The following VPS53 variants were observed in gnomAD, a reference collection of about 807,000 sequenced individuals.
VPS53 encodes the protein VPS53 subunit of GARP complex, also known as vacuolar protein sorting-associated protein 53 homolog.
Under a neutral mutation model 107.0 loss-of-function variants are expected in VPS53, and 70 were observed. The observed-to-expected ratio is 0.65, with a 90% confidence interval of 0.54 to 0.80. The LOEUF (loss-of-function observed/expected upper bound fraction) is 0.80. Ranked by LOEUF, VPS53 falls within the 30% of genes least tolerant of loss-of-function variation. VPS53 has a pLI of 0.00. For missense variants in VPS53, 917 were observed against 1,049.4 expected, an observed-to-expected ratio of 0.87 and a Z score of 1.74; for synonymous variants, 409 against 393.3, an observed-to-expected ratio of 1.04 and a Z score of -0.47.
intron 4 of VPS53, among the ~76,000 whole-genome samples, chr17:662,837 G>GA (rs1491263299): frequency 7.0e-4 from 19 of 27,206 alleles, no homozygotes; most frequent in East Asian, 1.7e-3. Flanking sequence ...GAGAAAGAAA[G>GA]GAAGGAAGGA....
In VPS53 at chr17:628,950, C is replaced by T. The variant is rs147148063; in HGVS notation, c.688-719G>A. The stretch of plus-strand genomic sequence containing the variant: ...TTTTGCTGAGACTTTCTTTACAGTA[C>T]GTCACTGAGTGAACATGACTGGCTA... On this transcript the variant is annotated intron_variant, in intron 8 of 21. Transcript: ENST00000437048. 5.8e-3 allele frequency among the ~76,000 whole-genome samples: 887 copies of T among 152,258 alleles called. 19 individuals carry two copies. Among genetic ancestry groups the T allele is most frequent in the Non-Finnish European group, 3.2e-3 (216 of 68,018 alleles).
chr17:662,821 G>GAAAAAA (rs1567719949), intron 4 of VPS53, among the ~76,000 whole-genome samples: 4 of 101,552 alleles, frequency 3.9e-5, no homozygotes, highest in Middle Eastern at 5.3e-3. Flanking sequence ...AAGAAAGAAA[G>GAAAAAA]AGAAAGAGAA....
At chr17:661,307 G>A (rs1971425136) in intron 5 of VPS53, among the ~76,000 whole-genome samples, 1 of 151,836 alleles carries the variant, frequency 6.6e-6, no homozygotes, top group African/African-American at 2.4e-5. Context: ...GGATCATGAG[G>A]TCAAGAGATT....
chr17:532,874 A>G lies in VPS53; in HGVS notation c.2053T>C (p.Cys685Arg). 6.2e-7 allele frequency: 1 copy of G among 1,614,112 alleles called. No individual in the cohort carries two copies. The highest frequency in any genetic ancestry group is 8.5e-7 in the Non-Finnish European group (1 of 1,179,982). The stretch of plus-strand genomic sequence containing the variant: ...GCTCCCACCATGCTAATTGGCTTGC[A>G]CTTGAAGAGGTGGGTGATGAATTTG... ...IPKFITHLFK[C>R]KPISMVGAEQ... The change falls in exon 19 of 22, where the codon TGC (cysteine) becomes CGC (arginine). Residue 685 changes from cysteine to arginine, a missense_variant. Transcript: ENST00000437048.
intron 4 of VPS53, among the ~76,000 whole-genome samples, chr17:687,556 G>A (rs1205657185): frequency 6.7e-6 from 1 of 150,200 alleles, no homozygotes; most frequent in Non-Finnish European, 1.5e-5. Context: ...AGCCTGGAGA[G>A]AGAGCAAGAC....
In VPS53 at chr17:519,215, G is replaced by A. The variant is rs768263237; in HGVS notation, c.2412C>T (p.Ser804=). Residue 804 remains serine, a synonymous_variant, in exon 22 of 22, where the codon TCC becomes TCT. Transcript: ENST00000437048. This position sits in a 1 kb window ranked among gnomAD's most constrained non-coding sequence, Gnocchi z 5.0. ...TTGGCGCCGTCAGGGACAGTGAGCCGGAGCTTTCTGCCCCCGAGGGCGGTG... is the reference window on the plus strand; with the variant it reads ...TTGGCGCCGTCAGGGACAGTGAGCCAGAGCTTTCTGCCCCCGAGGGCGGTG... The part of the protein sequence containing the change: ...LPAPPSGAES[S]GSLSLTAPTP... 187 of 1,549,514 alleles carry A rather than the reference G, an allele frequency of 1.2e-4. No homozygotes were observed. The highest frequency in any genetic ancestry group is 1.7e-4 in the Middle Eastern group (1 of 6,000).
At chr17:563,278 CTTCAT>C (rs1458087890) in intron 13 of VPS53, among the ~76,000 whole-genome samples, 2 of 145,920 alleles carry the variant, frequency 1.4e-5, no homozygotes, top group African/African-American at 2.5e-5. Flanking sequence ...TCTCACTGAA[CTTCAT>C]TTCCTTTTTT....
chr17:551,941 G>A lies in VPS53; in HGVS notation c.1797C>T (p.Ser599=), dbSNP rs1387241315. ...GEMDTFSTVI[S]SSIQLLVQDL... ...CCTGAACCAGCAGCTGAATACTGCT[G>A]GAGATGACGCTGCAAATCAAACAAA... The change falls in exon 17 of 22, where the codon TCC becomes TCT. Residue 599 remains serine, a synonymous_variant. Coordinates refer to ENST00000437048, the MANE Select transcript of VPS53 (RefSeq NM_001128159.3). The A allele has an allele frequency of 1.3e-6, 2 of 1,596,598 alleles. No homozygotes were observed. The highest frequency in any genetic ancestry group is 1.3e-5 in the African/African-American group (1 of 74,794).
intron 12 of VPS53, among the ~76,000 whole-genome samples, chr17:595,395 C>G (rs1211293895): frequency 1.2e-4 from 6 of 48,850 alleles, no homozygotes; most frequent in Non-Finnish European, 1.8e-4. Context: ...TCTAGTGTCC[C>G]CCCTGGAGGA....
chr17:707,143 C>T (rs1973437297), intron 2 of VPS53, among the ~76,000 whole-genome samples: 1 of 67,180 alleles, frequency 1.5e-5, no homozygotes, highest in African/African-American at 5.9e-5. Flanking sequence ...ATAGCAAATA[C>T]TACTGAAGCC....
rs397967122 is a variant in VPS53 at position 652,005 on chromosome 17, A to ATT, written c.608+1284_608+1285dup. 2.0e-3 allele frequency among the ~76,000 whole-genome samples: 279 copies of ATT among 142,268 alleles called. 3 individuals carry two copies. The highest frequency in any genetic ancestry group is 8.0e-3 in the South Asian group (36 of 4,478). 93.3% of individuals were successfully genotyped at this position (142,268 alleles called of 152,430 possible). A position where few individuals can be genotyped will look rare whatever the true frequency, so the allele number is the denominator to read the frequency against. ...ATCTAAAGTTTTTGTGGTTCACTGT[A>ATT]TTTTTTTTTTTTTTTGAGTCTCACC... On this transcript the variant is annotated intron_variant, in intron 7 of 21. Coordinates refer to ENST00000437048, the MANE Select transcript of VPS53 (RefSeq NM_001128159.3).
At chr17:577,447 CA>C (rs1329629824) in intron 13 of VPS53, among the ~76,000 whole-genome samples, 1 of 151,814 alleles carries the variant, frequency 6.6e-6, no homozygotes, top group Non-Finnish European at 1.5e-5. Context: ...AGAGAACCCC[CA>C]ACAGAATCTC....
At chr17:589,220 T>G (rs1461976223) in intron 12 of VPS53, among the ~76,000 whole-genome samples, 2 of 152,076 alleles carry the variant, frequency 1.3e-5, no homozygotes, top group Non-Finnish European at 2.9e-5. Flanking sequence ...TGCTTTTTTT[T>G]TAAATTTTGA....
chr17:580,664 G>A (rs867861753), intron 13 of VPS53, among the ~76,000 whole-genome samples: 1 of 150,700 alleles, frequency 6.6e-6, no homozygotes, highest in Non-Finnish European at 1.5e-5. Flanking sequence ...TGCGTTCCTA[G>A]AGAACTTCCC....
chr17:610,225 G>GA (rs906174105), intron 11 of VPS53, among the ~76,000 whole-genome samples: 2 of 151,424 alleles, frequency 1.3e-5, no homozygotes, highest in African/African-American at 2.4e-5. Flanking sequence ...ATAAAAGTGA[G>GA]AAAAAACTAA....
intron 11 of VPS53, among the ~76,000 whole-genome samples, chr17:620,471 C>A (rs140222594): frequency 9.8e-4 from 150 of 152,312 alleles, no homozygotes; most frequent in Non-Finnish European, 1.7e-3. Context: ...TCCCAGCCTG[C>A]CCCCGGCTTC....
chr17:664,207 T>C (rs1971585760), intron 4 of VPS53, among the ~76,000 whole-genome samples: 1 of 152,044 alleles, frequency 6.6e-6, no homozygotes, highest in Non-Finnish European at 1.5e-5. Context: ...GCCTCCCGAG[T>C]AGCTGGGACT....
chr17:648,972 A>G (rs1970821594), intron 7 of VPS53, among the ~76,000 whole-genome samples: 2 of 90,406 alleles, frequency 2.2e-5, no homozygotes, highest in Non-Finnish European at 2.3e-5. Flanking sequence ...TGGAACAGGC[A>G]ATGAAGATCT....
intron 17 of VPS53, among the ~76,000 whole-genome samples, chr17:542,477 T>G (rs191417688): frequency 1.6e-4 from 24 of 152,300 alleles, no homozygotes; most frequent in Non-Finnish European, 2.5e-4. Flanking sequence ...CTATAATCTA[T>G]TACTGAAAGA....
Sources: allele counts gnomAD v4.1 joint callset (sites outside exome capture counted in the v4.1 genomes callset), GRCh38; gene constraint gnomAD v4.1.1; non-coding constraint Gnocchi (gnomAD v3.1); transcripts MANE v1.5; gene names NCBI Gene and HGNC (gene_info 2026-07-23, HGNC 2026-07-21).